LINGO1: variants seen among roughly 807,000 people sequenced by gnomAD.
LINGO1 encodes the protein leucine-rich repeat and immunoglobulin-like domain-containing nogo receptor-interacting protein 1.
Under a neutral mutation model 37.3 loss-of-function variants are expected in LINGO1, and 11 were observed. That is an observed-to-expected ratio of 0.29 (90% CI 0.19 to 0.49). The LOEUF is 0.49. LINGO1 is among the 20% of genes least tolerant of loss of function. LINGO1 has a pLI of 0.99. For synonymous variants in LINGO1, 387 were observed against 403.0 expected, an observed-to-expected ratio of 0.96 and a Z score of 0.48; for missense variants, 585 against 878.2, an observed-to-expected ratio of 0.67 and a Z score of 4.22.
chr15:77,734,449 G>GC (rs2076183541), intron 2 of LINGO1, among the ~76,000 whole-genome samples: 1 of 151,882 alleles, frequency 6.6e-6, no homozygotes, highest in African/African-American at 2.4e-5. Flanking sequence ...CAGCCTTGCC[G>GC]CCCCTCATCT....
intron 1 of LINGO1, among the ~76,000 whole-genome samples, chr15:77,771,124 G>A (rs2076580729): frequency 6.6e-6 from 1 of 152,190 alleles, no homozygotes; most frequent in Non-Finnish European, 1.5e-5. Context: ...CCTTCTCGAG[G>A]GAGAGTTGAA....
upstream of LINGO1, among the ~76,000 whole-genome samples, chr15:77,636,968 G>A (rs1330493060): frequency 6.6e-6 from 1 of 152,194 alleles, no homozygotes; most frequent in Non-Finnish European, 1.5e-5. Context: ...TCCCTTCTTG[G>A]AGGTGGTCCT....
rs142473343 is a variant in LINGO1 at position 77,813,397 on chromosome 15, G to A, written c.-458+6861C>T. 3.3e-5 allele frequency among the ~76,000 whole-genome samples: 5 copies of A among 152,318 alleles called. No homozygotes were observed. The East Asian group carries it at 9.7e-4, about 29-fold the overall frequency. Reference sequence around the variant, plus strand: ...GACACAGAGAGGTGCTTAGGAGAGAGGGCTGGGGTGGGACATAGGCTTGGG... The same window carrying A: ...GACACAGAGAGGTGCTTAGGAGAGAAGGCTGGGGTGGGACATAGGCTTGGG... On this transcript the variant is annotated intron_variant, in intron 1 of 5. Coordinates refer to the LINGO1 transcript ENST00000562933.
rs1399952997 is a variant in LINGO1 at position 77,743,816 on chromosome 15, T to TGG, written c.-256-8764_-256-8763insCC. 5.1e-5 allele frequency among the ~76,000 whole-genome samples: 7 copies of TGG among 136,476 alleles called. No homozygotes were observed. In the South Asian group the frequency reaches 1.6e-3, roughly 31 times the overall value. The allele number at this position is 136,476 out of a possible 152,430, so 89.5% of individuals were successfully genotyped here. A position where few individuals can be genotyped will look rare whatever the true frequency, so the allele number is the denominator to read the frequency against. Reference sequence around the variant, plus strand: ...AAGGGGGTGCTGCTGAAAGCCAGACTGCGGGGGTGGGGGAGTCCTCCCAAT... The same window carrying TGG: ...AAGGGGGTGCTGCTGAAAGCCAGACTGGGCGGGGGTGGGGGAGTCCTCCCAAT... On this transcript the variant is annotated intron_variant, in intron 1 of 3. Coordinates refer to the LINGO1 transcript ENST00000561686.
At chr15:77,741,908 G>A (rs570291060) in intron 1 of LINGO1, among the ~76,000 whole-genome samples, 1 of 152,342 alleles carries the variant, frequency 6.6e-6, no homozygotes, top group East Asian at 1.9e-4. Flanking sequence ...AGAGAGGAGA[G>A]GGGCCAAGAG....
chr15:77,790,585 C>G (rs2076810940), upstream of LINGO1, among the ~76,000 whole-genome samples: 1 of 152,106 alleles, frequency 6.6e-6, no homozygotes, highest in Non-Finnish European at 1.5e-5. Flanking sequence ...TGGGGAGGCA[C>G]AGATGAGAAC....
intron 1 of LINGO1, among the ~76,000 whole-genome samples, chr15:77,785,312 C>A (rs2076760485): frequency 6.6e-6 from 1 of 152,198 alleles, no homozygotes; most frequent in Middle Eastern, 3.2e-3. Context: ...CTGAAGGCGG[C>A]CCGCAGGCTG....
chr15:77,776,536 G>GGCAGGAAAGCAGGAAGGCA (rs1234402597), intron 1 of LINGO1, among the ~76,000 whole-genome samples: 1 of 132,926 alleles, frequency 7.5e-6, no homozygotes, highest in Non-Finnish European at 1.6e-5. Flanking sequence ...AAGGGAGGGA[G>GGCAGGAAAGCAGGAAGGCA]GGAGGGAGGG....
At chr15:77,813,621 G>A (rs1238048275) in intron 1 of LINGO1, among the ~76,000 whole-genome samples, 1 of 152,170 alleles carries the variant, frequency 6.6e-6, no homozygotes, top group Admixed American at 6.5e-5. Flanking sequence ...CCCAGAGGAG[G>A]CGCCCAAACA....
intron 1 of LINGO1, among the ~76,000 whole-genome samples, chr15:77,753,513 C>T (rs938334590): frequency 6.6e-6 from 1 of 152,132 alleles, no homozygotes; most frequent in Non-Finnish European, 1.5e-5. Flanking sequence ...AGATGAACAT[C>T]GTCATGGAGA....
upstream of LINGO1, among the ~76,000 whole-genome samples, chr15:77,789,921 G>A (rs1189888338): frequency 6.6e-6 from 1 of 152,028 alleles, no homozygotes; most frequent in Non-Finnish European, 1.5e-5. Context: ...ACAGGTGTGT[G>A]CCACCACGAC....
intron 2 of LINGO1, among the ~76,000 whole-genome samples, chr15:77,681,274 T>C (rs549513701): frequency 3.5e-4 from 53 of 152,248 alleles, no homozygotes; most frequent in African/African-American, 1.2e-3. Context: ...GGGTGCAGGC[T>C]GAGGTTTTCA....
At chr15:77,636,544 G>A (rs532837073), upstream of LINGO1, among the ~76,000 whole-genome samples, 1 of 152,086 alleles carries the variant, frequency 6.6e-6, no homozygotes, top group Non-Finnish European at 1.5e-5. Flanking sequence ...TCCAGCTGGG[G>A]GGCCCTGTGG....
Position 77,614,607 on chromosome 15 carries a change from C to G in LINGO1, c.1300G>C (p.Val434Leu). The G allele has an allele frequency of 2.5e-6, 4 of 1,611,344 alleles. No homozygotes were observed. Among genetic ancestry groups the G allele is most frequent in the Non-Finnish European group, 3.4e-6 (4 of 1,179,034 alleles). The stretch of plus-strand genomic sequence containing the variant: ...ACCGTGTGGCCCTCGTCCACAAACA[C>G]CTGCTGGGCCTTGCGGTCCCGGATG... ...ARIRDRKAQQ[V>L]FVDEGHTVQF... Residue 434 changes from valine (V) to leucine (L), a missense_variant, in exon 2 of 2, where the codon GTG becomes CTG. Coordinates refer to ENST00000355300, the MANE Select transcript of LINGO1 (RefSeq NM_032808.7).
At chr15:77,710,353 T>C (rs2075903784) in intron 2 of LINGO1, among the ~76,000 whole-genome samples, 1 of 152,222 alleles carries the variant, frequency 6.6e-6, no homozygotes, top group Non-Finnish European at 1.5e-5. Context: ...ACGTGAGGAA[T>C]GGGCTTTGAA....
chr15:77,799,820 A>T (rs1490443554), intron 1 of LINGO1, among the ~76,000 whole-genome samples: 1 of 150,856 alleles, frequency 6.6e-6, no homozygotes, highest in African/African-American at 2.4e-5. Context: ...TTTTTGAGGG[A>T]TGGGGCTGTA....
At chr15:77,794,373 CGTATATGTATATACATA>C in intron 2 of LINGO1, among the ~76,000 whole-genome samples, 1 of 62,736 alleles carries the variant, frequency 1.6e-5, no homozygotes, top group Non-Finnish European at 3.3e-5. Context: ...TATATACATA[CGTATATGTATATACATA>C]CATATATACG....
At chr15:77,733,969 T>C (rs941716424) in intron 2 of LINGO1, among the ~76,000 whole-genome samples, 1 of 152,210 alleles carries the variant, frequency 6.6e-6, no homozygotes, top group African/African-American at 2.4e-5. Flanking sequence ...TCTTCGTACT[T>C]GGCCTTCTAC....
chr15:77,661,862 C>G (rs543519277), intron 3 of LINGO1, among the ~76,000 whole-genome samples: 1 of 152,312 alleles, frequency 6.6e-6, no homozygotes, highest in Non-Finnish European at 1.5e-5. Flanking sequence ...GCTGTGCTGA[C>G]CCAGAGAGTC....
Sources: allele counts gnomAD v4.1 joint callset (sites outside exome capture counted in the v4.1 genomes callset), GRCh38; gene constraint gnomAD v4.1.1; transcripts MANE v1.5; gene names NCBI Gene and HGNC (gene_info 2026-07-23, HGNC 2026-07-21).